Variants in PXK observed in about 807,000 individuals in gnomAD.
PXK encodes the protein PX domain-containing protein kinase-like protein.
PXK carries 35 observed loss-of-function variants against 84.7 expected under a neutral mutation model. The ratio of observed to expected loss-of-function variants is 0.41; its 90% CI spans 0.32 to 0.55. PXK has a LOEUF of 0.55. Among genes scored for constraint, PXK ranks in the 20% least tolerant of loss-of-function variants. PXK has a pLI of 0.21. For synonymous variants in PXK, 253 were observed against 260.8 expected (o/e 0.97, Z 0.29); for missense variants, 634 against 699.7 (o/e 0.91, Z 1.06).
At chr3:58,334,675 ACTT>A (rs1312618388) in intron 1 of PXK, among the ~76,000 whole-genome samples, 1 of 152,140 alleles carries the variant, frequency 6.6e-6, no homozygotes, top group African/African-American at 2.4e-5. Context: ...TCCTGTAATT[ACTT>A]CTTTACTTTT....
At position 58,370,051 on chromosome 3, in the gene PXK, G is replaced by A. The variant is rs760035942; in HGVS notation, c.201+573G>A. ...CTTACCACAGTCATAGGAGGCTGAC[G>A]TAATATCTCCTTTTAACAGATGTGG... On this transcript the variant is annotated intron_variant, in intron 3 of 17. Transcript: ENST00000356151. The surrounding 1 kb of genome is among the most constrained non-coding windows in gnomAD (Gnocchi z 4.2). Among the ~76,000 whole-genome samples the A allele has an allele frequency of 1.3e-5, 2 of 152,122 alleles. No homozygotes were observed. The highest frequency in any genetic ancestry group is 2.9e-5 in the Non-Finnish European group (2 of 68,026).
chr3:58,338,557 C>T (rs935100862), intron 1 of PXK, among the ~76,000 whole-genome samples: 8 of 151,382 alleles, frequency 5.3e-5, no homozygotes, highest in Non-Finnish European at 1.2e-4. Context: ...TGTGAGGTGA[C>T]GGTTGCAGTG....
intron 1 of PXK, among the ~76,000 whole-genome samples, chr3:58,349,863 T>A (rs2107990793): frequency 6.6e-6 from 1 of 152,312 alleles, no homozygotes; most frequent in Middle Eastern, 3.4e-3. Flanking sequence ...CTCTTCAAAC[T>A]GCTGAACTGG....
chr3:58,344,372 G>A (rs2097781897), intron 1 of PXK, among the ~76,000 whole-genome samples: 1 of 152,124 alleles, frequency 6.6e-6, no homozygotes, highest in African/African-American at 2.4e-5. Context: ...CTAATATGTG[G>A]CAAAAAACAT....
chr3:58,388,899 T>G (rs1190160674), intron 4 of PXK, among the ~76,000 whole-genome samples: 1 of 152,118 alleles, frequency 6.6e-6, no homozygotes, highest in Non-Finnish European at 1.5e-5. Flanking sequence ...CTCACCAGTC[T>G]GCTTGGAATG....
chr3:58,362,005 G>T (rs891807948), intron 1 of PXK, among the ~76,000 whole-genome samples: 20 of 152,168 alleles, frequency 1.3e-4, no homozygotes, highest in African/African-American at 3.9e-4. Context: ...GCCAGGATTT[G>T]GTGTTATTAC....
chr3:58,396,888 C>G, intron 9 of PXK, 151 bp from the exon 10 acceptor site: 1 of 731,462 alleles, frequency 1.4e-6, no homozygotes, highest in Non-Finnish European at 2.1e-6. Flanking sequence ...CTTTTCCAAA[C>G]AAATGGGTAG....
Position 58,407,613 on chromosome 3 carries a change from T to C in PXK, c.1231-1311T>C, listed in dbSNP as rs1311797226. ...GCTCGTTCTGTTGCTTAGGCTGGAG[T>C]GCAGCAGCACAATCTCAGCTCACTG... On this transcript the variant is annotated intron_variant, in intron 13 of 17. Coordinates refer to ENST00000356151, the MANE Select transcript of PXK (RefSeq NM_017771.5). The surrounding 1 kb of genome is among the most constrained non-coding windows in gnomAD (Gnocchi z 4.3). Among the ~76,000 whole-genome samples the C allele has an allele frequency of 6.6e-6, 1 of 152,118 alleles. No individual in the cohort carries two copies. Among genetic ancestry groups the C allele is most frequent in the African/African-American group, 2.4e-5 (1 of 41,420 alleles).
intron 17 of PXK, among the ~76,000 whole-genome samples, chr3:58,417,968 A>G (rs749209962): frequency 3.3e-5 from 5 of 152,042 alleles, no homozygotes; most frequent in Non-Finnish European, 7.4e-5. Flanking sequence ...ACAGGTGTGC[A>G]CCACCACCCT....
At chr3:58,424,704 AG>A (rs2062574253) in intron 17 of PXK, 47 bp from the exon 18 acceptor site, 1 of 1,586,832 alleles carries the variant, frequency 6.3e-7, no homozygotes, top group African/African-American at 1.3e-5. Context: ...GCGTGTGTGC[AG>A]GGCAGCTGTG....
Position 58,397,760 on chromosome 3 carries a change from TAGTGTGC to T in PXK, c.1102+41_1102+47del. On this transcript the variant is annotated intron_variant, in intron 11 of 17. Coordinates refer to ENST00000356151, the MANE Select transcript of PXK (RefSeq NM_017771.5). This position sits in a 1 kb window ranked among gnomAD's most constrained non-coding sequence, Gnocchi z 4.7. The stretch of plus-strand genomic sequence containing the variant: ...TTGGGAAGGGTCTTCTGGGCCCTAG[TAGTGTGC>T]AGAGCCACTCATCCCCTTTCCAGAG... 6.6e-7 allele frequency: 1 copy of T among 1,510,754 alleles called. No individual in the cohort carries two copies. The highest frequency in any genetic ancestry group is 9.2e-7 in the Non-Finnish European group (1 of 1,087,172). 93.6% of individuals were successfully genotyped at this position (1,510,754 alleles called of 1,614,324 possible).
intron 17 of PXK, chr3:58,422,805 C>G (rs935679298): frequency 4.1e-6 from 4 of 985,328 alleles, no homozygotes; most frequent in African/African-American, 3.5e-5. Flanking sequence ...TAGTCAGTCT[C>G]TAGATGGCCA....
At chr3:58,348,310 T>C (rs2097857152) in intron 1 of PXK, among the ~76,000 whole-genome samples, 1 of 152,196 alleles carries the variant, frequency 6.6e-6, no homozygotes. Flanking sequence ...ATGGCTCCAC[T>C]AAGCATTGGT....
At chr3:58,345,647 G>C (rs962220676) in intron 1 of PXK, among the ~76,000 whole-genome samples, 1 of 152,168 alleles carries the variant, frequency 6.6e-6, no homozygotes, top group Admixed American at 6.5e-5. Flanking sequence ...AAAATACTGT[G>C]TAATGGTAAA....
chr3:58,334,645 C>T (rs1002648424), intron 1 of PXK, among the ~76,000 whole-genome samples: 4 of 152,146 alleles, frequency 2.6e-5, no homozygotes, highest in African/African-American at 7.2e-5. Context: ...CCTACCCACA[C>T]CTTAATCTTG....
At chr3:58,356,163 A>G (rs1575905862) in intron 1 of PXK, among the ~76,000 whole-genome samples, 1 of 152,178 alleles carries the variant, frequency 6.6e-6, no homozygotes, top group South Asian at 2.1e-4. Flanking sequence ...TCAGCACCAG[A>G]CCTCAGTGAT....
At chr3:58,358,672 C>T (rs1255490613) in intron 1 of PXK, among the ~76,000 whole-genome samples, 1 of 152,134 alleles carries the variant, frequency 6.6e-6, no homozygotes, top group Non-Finnish European at 1.5e-5. Context: ...AGCAGCATTC[C>T]TGGCCACTAC....
At chr3:58,353,122 G>A (rs1021154686) in intron 1 of PXK, among the ~76,000 whole-genome samples, 13 of 151,774 alleles carry the variant, frequency 8.6e-5, no homozygotes, top group African/African-American at 1.5e-4. Context: ...TCAGCCTCCC[G>A]AATAGCTGGG....
chr3:58,396,963 CT>C, intron 9 of PXK, 75 bp from the exon 10 acceptor site: 1 of 1,462,706 alleles, frequency 6.8e-7, no homozygotes, highest in Non-Finnish European at 9.3e-7. Flanking sequence ...AATATATTGA[CT>C]AAAAAACAAA....
Sources: gnomAD v4.1 joint callset for allele counts (sites outside exome capture counted in the v4.1 genomes callset) on GRCh38, gnomAD v4.1.1 for gene constraint, Gnocchi (gnomAD v3.1) non-coding constraint, MANE v1.5 for transcripts, NCBI Gene and HGNC (gene_info 2026-07-23, HGNC 2026-07-21) for gene names.